The following KCNG3 variants were observed in gnomAD, a reference collection of about 807,000 sequenced individuals.
The protein encoded by KCNG3 is voltage-gated potassium channel regulatory subunit KCNG3.
In KCNG3, 15 loss-of-function variants were observed where a neutral mutation model predicts 29.0. The ratio of observed to expected loss-of-function variants is 0.52; its 90% CI spans 0.35 to 0.80. The LOEUF (loss-of-function observed/expected upper bound fraction) is 0.80, where lower values mean the gene tolerates loss of function less well. Among genes scored for constraint, KCNG3 ranks in the 30% least tolerant of loss-of-function variants. KCNG3 has a pLI of 0.01. For missense variants in KCNG3, 512 were observed against 605.7 expected (o/e 0.85, Z 1.62); for synonymous variants, 322 against 248.9 (o/e 1.29, Z -2.76).
chr2:42,477,384 TATATAC>T lies in KCNG3; in HGVS notation c.665+15447_665+15452del, dbSNP rs1411683419. ...ATATACATATATATACACACACATA[TATATAC>T]ACACACACACACACACACACACACA... On this transcript the variant is annotated intron_variant, in intron 1 of 1. Coordinates refer to ENST00000306078, the MANE Select transcript of KCNG3 (RefSeq NM_133329.6). 6.6e-4 allele frequency among the ~76,000 whole-genome samples: 67 copies of T among 101,914 alleles called. 1 individual carries two copies. The highest frequency in any genetic ancestry group is 6.8e-3 in the Middle Eastern group (1 of 148). The allele number at this position is 101,914 out of a possible 152,430, so 66.9% of individuals were successfully genotyped here.
chr2:42,436,857 T>A, the KCNG3 span, among the ~76,000 whole-genome samples: 1 of 152,336 alleles, frequency 6.6e-6, no homozygotes, highest in African/African-American at 2.4e-5. Context: ...TAAAATCTGA[T>A]TCTGTTTTGA....
chr2:42,424,377 A>G, the KCNG3 span, among the ~76,000 whole-genome samples: 6 of 152,004 alleles, frequency 3.9e-5, no homozygotes, highest in Admixed American at 2.6e-4. Context: ...TGTCAGCTTA[A>G]GACATCAATG....
Position 42,493,779 on chromosome 2 carries a change from C to T in KCNG3, c.-278G>A, listed in dbSNP as rs1027036280. 3.4e-6 allele frequency: 1 copy of T among 292,544 alleles called. No homozygotes were observed. The highest frequency in any genetic ancestry group is 6.3e-6 in the Non-Finnish European group (1 of 158,174). 18.1% of individuals were successfully genotyped at this position (292,544 alleles called of 1,614,324 possible). On this transcript the variant is annotated 5_prime_UTR_variant, in exon 1 of 2. Transcript: ENST00000306078. ...TGAGCCCCACCGGCTGGGAACGCGGCTGTGTCCGCGCCGCCGACCCTCGCG... is the reference window on the plus strand; with the variant it reads ...TGAGCCCCACCGGCTGGGAACGCGGTTGTGTCCGCGCCGCCGACCCTCGCG...
At chr2:42,421,197 G>A in the KCNG3 span, among the ~76,000 whole-genome samples, 1 of 152,214 alleles carries the variant, frequency 6.6e-6, no homozygotes, top group African/African-American at 2.4e-5. Flanking sequence ...GAATTTATGT[G>A]TTCATTCGAC....
chr2:42,418,558 T>C, the KCNG3 span, among the ~76,000 whole-genome samples: 3 of 152,356 alleles, frequency 2.0e-5, no homozygotes, highest in East Asian at 3.8e-4. Flanking sequence ...AATTTCTATG[T>C]AATTTTTAAA....
At position 42,451,506 on chromosome 2, in the gene KCNG3, C is replaced by T. The variant is rs573923839; in HGVS notation, c.666-6927G>A. ...TTGGGAGGCTGAGGTGGGTGGATCA[C>T]TTGAGGTCAGGAGCTCGAGACCAGC... On this transcript the variant is annotated intron_variant, in intron 1 of 1. Transcript: ENST00000306078. Among the ~76,000 whole-genome samples the T allele has an allele frequency of 1.4e-3, 211 of 152,090 alleles. 1 individual carries two copies. The highest frequency in any genetic ancestry group is 4.9e-3 in the African/African-American group (204 of 41,516).
rs766202746 is a variant in KCNG3, at chr2:42,443,957, G to C, written c.1288C>G (p.Leu430Val). ...CATTAATTCAGGAATTCAGTGGAGA[G>C]GCTCCTACTATACCTAGCAGATCTA... ...KFRSARYSRS[L>V]STEFLN Residue 430 changes from leucine to valine, a missense_variant, in exon 2 of 2, where the codon CTC becomes GTC. This residue lies in a region of KCNG3 where 173 missense variants were observed against 262.4 expected (regional missense o/e 0.66). Transcript: ENST00000306078. The C allele has an allele frequency of 1.9e-6, 3 of 1,610,698 alleles. No homozygotes were observed. Among genetic ancestry groups the C allele is most frequent in the Non-Finnish European group, 2.5e-6 (3 of 1,178,424 alleles).
At chr2:42,485,279 G>T (rs1673693208) in intron 1 of KCNG3, among the ~76,000 whole-genome samples, 2 of 152,102 alleles carry the variant, frequency 1.3e-5, no homozygotes, top group Non-Finnish European at 2.9e-5. Flanking sequence ...CAAAATTATA[G>T]CAAGACTTTG....
At chr2:42,424,500 A>G in the KCNG3 span, among the ~76,000 whole-genome samples, 2 of 152,068 alleles carry the variant, frequency 1.3e-5, no homozygotes, top group Non-Finnish European at 2.9e-5. Context: ...TCAACCATGC[A>G]CACTGGCTCT....
At chr2:42,490,703 A>C (rs146351753) in intron 1 of KCNG3, among the ~76,000 whole-genome samples, 6 of 152,264 alleles carry the variant, frequency 3.9e-5, no homozygotes, top group African/African-American at 1.4e-4. Flanking sequence ...GAGTAAGTCA[A>C]GATCGGCAGG....
At chr2:42,389,662 T>C in the KCNG3 span, among the ~76,000 whole-genome samples, 1 of 152,364 alleles carries the variant, frequency 6.6e-6, no homozygotes, top group African/African-American at 2.4e-5. Context: ...TGTTGATATA[T>C]TACCTGACCA....
intron 1 of KCNG3, among the ~76,000 whole-genome samples, chr2:42,483,691 GAC>G (rs1405725511): frequency 6.6e-6 from 1 of 152,216 alleles, no homozygotes. Flanking sequence ...CATCAGATGA[GAC>G]ATTTATTAAA....
chr2:42,389,498 T>C, the KCNG3 span, among the ~76,000 whole-genome samples: 2 of 152,332 alleles, frequency 1.3e-5, no homozygotes, highest in East Asian at 3.9e-4. Context: ...GTCAGAACAT[T>C]TGGACCCATT....
At chr2:42,435,600 C>G in the KCNG3 span, among the ~76,000 whole-genome samples, 10 of 151,996 alleles carry the variant, frequency 6.6e-5, no homozygotes, top group Non-Finnish European at 1.3e-4. Context: ...TTTTTAAGGG[C>G]AGGGGTTTAA....
the KCNG3 span, among the ~76,000 whole-genome samples, chr2:42,397,111 G>A: frequency 6.6e-6 from 1 of 152,054 alleles, no homozygotes; most frequent in South Asian, 2.1e-4. Context: ...CAGGCGTGGT[G>A]GCAGACACCT....
chr2:42,398,482 C>T, the KCNG3 span, among the ~76,000 whole-genome samples: 4 of 152,170 alleles, frequency 2.6e-5, no homozygotes, highest in Non-Finnish European at 4.4e-5. Context: ...TTGAGACATA[C>T]GCATTATGGA....
intron 1 of KCNG3, among the ~76,000 whole-genome samples, chr2:42,488,722 G>C (rs1673795894): frequency 1.3e-5 from 2 of 151,860 alleles, no homozygotes; most frequent in South Asian, 4.2e-4. Context: ...GCTAATTTTT[G>C]TATTTTTAGT....
chr2:42,460,373 A>C (rs1179683813), intron 1 of KCNG3, among the ~76,000 whole-genome samples: 1 of 152,192 alleles, frequency 6.6e-6, no homozygotes, highest in East Asian at 1.9e-4. Context: ...TTAACTAATT[A>C]ATTAATAATT....
At chr2:42,430,906 T>C in the KCNG3 span, among the ~76,000 whole-genome samples, 2 of 152,092 alleles carry the variant, frequency 1.3e-5, no homozygotes, top group Admixed American at 6.6e-5. Context: ...GGCCAGGAGT[T>C]TGAGACCAGC....
Sources: allele counts gnomAD v4.1 joint callset (sites outside exome capture counted in the v4.1 genomes callset), GRCh38; gene constraint gnomAD v4.1.1; regional missense constraint gnomAD v4.1.1; transcripts MANE v1.5; gene names NCBI Gene and HGNC (gene_info 2026-07-23, HGNC 2026-07-21).